The following CA13 variants were observed in gnomAD, a reference collection of about 807,000 sequenced individuals.
CA13 encodes the protein carbonic anhydrase 13.
CA13 carries 21 observed loss-of-function variants against 31.5 expected under a neutral mutation model. That is an observed-to-expected ratio of 0.67 (90% CI 0.47 to 0.96). CA13 has a LOEUF of 0.96. Ranked by LOEUF, CA13 falls within the 40% of genes least tolerant of loss-of-function variation. The probability of loss-of-function intolerance (pLI) is 0.00; values close to 1 mark genes in which losing one functional copy is unlikely to be tolerated. For synonymous variants in CA13, 117 were observed against 111.4 expected (o/e 1.05, Z -0.32); for missense variants, 315 against 318.9 (o/e 0.99, Z 0.09).
In CA13 at chr8:85,283,485, T is replaced by A. The variant is rs1308273199; in HGVS notation, c.*2136T>A. ...TGGTAATTATCTCTCTGCTTGAAAT[T>A]AAATGCACTATAAGTTAATATAACA... On this transcript the variant is annotated 3_prime_UTR_variant, in exon 7 of 7. Coordinates refer to ENST00000321764, the MANE Select transcript of CA13 (RefSeq NM_198584.3). 6.6e-6 allele frequency: 1 copy of A among 152,652 alleles called. No individual in the cohort carries two copies. Among genetic ancestry groups the A allele is most frequent in the Non-Finnish European group, 1.5e-5 (1 of 68,048 alleles). 9.5% of individuals were successfully genotyped at this position (152,652 alleles called of 1,614,324 possible). A position where few individuals can be genotyped will look rare whatever the true frequency, so the allele number is the denominator to read the frequency against.
Position 85,281,929 on chromosome 8 carries a change from T to C in CA13, c.*580T>C, listed in dbSNP as rs1344815453. Reference sequence around the variant, plus strand: ...CATGAAATATGTCTACTTCAACCTGTGTGAAAATATAGTTAACATTGCAAA... The same window carrying C: ...CATGAAATATGTCTACTTCAACCTGCGTGAAAATATAGTTAACATTGCAAA... On this transcript the variant is annotated 3_prime_UTR_variant, in exon 7 of 7. Transcript: ENST00000321764. 1 of 152,182 alleles carries C rather than the reference T, an allele frequency of 6.6e-6. No individual in the cohort carries two copies. The highest frequency in any genetic ancestry group is 1.5e-5 in the Non-Finnish European group (1 of 68,026). 9.4% of individuals were successfully genotyped at this position (152,182 alleles called of 1,614,324 possible). A position where few individuals can be genotyped will look rare whatever the true frequency, so the allele number is the denominator to read the frequency against.
At position 85,269,991 on chromosome 8, in the gene CA13, A is replaced by G. The variant is rs540330211; in HGVS notation, c.669+1364A>G. 3.9e-5 allele frequency among the ~76,000 whole-genome samples: 6 copies of G among 152,196 alleles called. No individual in the cohort carries two copies. In the South Asian group the frequency reaches 1.2e-3, roughly 32 times the overall value. ...TCCTGCTTCGGCCTCCCAAAGTGCT[A>G]GGATTACAGGCATGAGCCACTGCAC... is the stretch of plus-strand genomic sequence containing the variant. On this transcript the variant is annotated intron_variant, in intron 6 of 6. Coordinates refer to ENST00000321764, the MANE Select transcript of CA13 (RefSeq NM_198584.3).
chr8:85,245,470 G>A lies in CA13; in HGVS notation c.-359G>A. 1 of 246,492 alleles carries A rather than the reference G, an allele frequency of 4.1e-6. No homozygotes were observed. The highest frequency in any genetic ancestry group is 7.8e-6 in the Non-Finnish European group (1 of 128,416). The allele number at this position is 246,492 out of a possible 1,614,324, so 15.3% of individuals were successfully genotyped here. On this transcript the variant is annotated 5_prime_UTR_variant, in exon 1 of 7. Transcript: ENST00000321764. Reference sequence around the variant, plus strand: ...GCTCTGGTGACTCATTCACTTCCTGGAAGTCCTCTAGGCAACACTTTCCTC... The same window carrying A: ...GCTCTGGTGACTCATTCACTTCCTGAAAGTCCTCTAGGCAACACTTTCCTC...
intron 6 of CA13, among the ~76,000 whole-genome samples, chr8:85,277,270 G>A (rs1458238171): frequency 6.6e-6 from 1 of 152,144 alleles, no homozygotes; most frequent in Non-Finnish European, 1.5e-5. Flanking sequence ...GCAAAGGTCT[G>A]CAGCTTCACT....
intron 1 of CA13, among the ~76,000 whole-genome samples, chr8:85,247,504 C>T (rs1030641455): frequency 2.0e-5 from 3 of 152,138 alleles, no homozygotes; most frequent in African/African-American, 7.2e-5. Context: ...AAGGTGTGGT[C>T]TTCAGAGAAA....
At chr8:85,258,354 AC>A (rs1296325340) in intron 2 of CA13, among the ~76,000 whole-genome samples, 2 of 152,008 alleles carry the variant, frequency 1.3e-5, no homozygotes, top group East Asian at 3.9e-4. Flanking sequence ...GATCATATTT[AC>A]TGAGGAAATT....
At chr8:85,258,561 T>C (rs1807333067) in intron 2 of CA13, among the ~76,000 whole-genome samples, 1 of 152,048 alleles carries the variant, frequency 6.6e-6, no homozygotes, top group Non-Finnish European at 1.5e-5. Context: ...TTGTGTTCAA[T>C]TTTTCTTCTG....
At chr8:85,275,575 G>A (rs1484107605) in intron 6 of CA13, among the ~76,000 whole-genome samples, 1 of 152,118 alleles carries the variant, frequency 6.6e-6, no homozygotes, top group Non-Finnish European at 1.5e-5. Flanking sequence ...GGATGGAAAT[G>A]CCACGGGTGA....
intron 2 of CA13, among the ~76,000 whole-genome samples, chr8:85,251,408 C>T (rs1313969005): frequency 6.6e-6 from 1 of 152,032 alleles, no homozygotes; most frequent in Non-Finnish European, 1.5e-5. Context: ...ATATTTGAAC[C>T]TTCAGATAAT....
intron 6 of CA13, among the ~76,000 whole-genome samples, chr8:85,274,913 G>A (rs775067594): frequency 5.3e-5 from 8 of 152,178 alleles, no homozygotes; most frequent in Non-Finnish European, 1.0e-4. Flanking sequence ...CAGGGACTCC[G>A]AGGGTGTTGC....
At chr8:85,279,073 C>G (rs968951981) in intron 6 of CA13, among the ~76,000 whole-genome samples, 1 of 152,184 alleles carries the variant, frequency 6.6e-6, no homozygotes, top group Non-Finnish European at 1.5e-5. Flanking sequence ...TGGCATAAAG[C>G]TGTTTACAGA....
chr8:85,277,043 CAAAAT>C (rs1237448822), intron 6 of CA13, among the ~76,000 whole-genome samples: 4 of 152,152 alleles, frequency 2.6e-5, no homozygotes, highest in Non-Finnish European at 2.9e-5. Context: ...AGCGCCCTGT[CAAAAT>C]AGACCACTCG....
intron 6 of CA13, among the ~76,000 whole-genome samples, chr8:85,279,466 G>T (rs904402915): frequency 6.6e-6 from 1 of 152,186 alleles, no homozygotes; most frequent in Non-Finnish European, 1.5e-5. Context: ...GGGGTTTGGC[G>T]AGATACCAGG....
In CA13 at chr8:85,268,429, G is replaced by A. The variant is rs200724907; in HGVS notation, c.514-43G>A. On this transcript the variant is annotated intron_variant, in intron 5 of 6. Coordinates refer to ENST00000321764, the MANE Select transcript of CA13 (RefSeq NM_198584.3). ...GTATGTTTTTTGAGGTCTATGTAGA[G>A]CTATCCCATTGTAATTTGTGGGAAT... 5.0e-4 allele frequency: 802 copies of A among 1,595,376 alleles called. 1 individual carries two copies. Among genetic ancestry groups the A allele is most frequent in the Non-Finnish European group, 6.3e-4 (737 of 1,163,626 alleles).
chr8:85,278,892 CATCTGTA>C (rs1000421999), intron 6 of CA13, among the ~76,000 whole-genome samples: 4 of 152,144 alleles, frequency 2.6e-5, no homozygotes, highest in African/African-American at 9.7e-5. Context: ...TCAAGTTTCT[CATCTGTA>C]AAAGGGGATA....
Position 85,250,869 on chromosome 8 carries a change from C to T in CA13, c.167C>T (p.Ser56Leu), listed in dbSNP as rs1233657055. The change falls in exon 2 of 7, where the codon TCA (serine) becomes TTA (leucine). Residue 56 changes from serine (S) to leucine (L), a missense_variant. Coordinates refer to ENST00000321764, the MANE Select transcript of CA13 (RefSeq NM_198584.3). ...RPLSIKYDPS[S>L]AKIISNSGHS... ...CTTAGTATCAAGTATGACCCAAGCT[C>T]AGCTAAAATCATCAGCAACAGCGGC... 4 of 1,613,978 alleles carry T rather than the reference C, an allele frequency of 2.5e-6. No individual in the cohort carries two copies. The highest frequency in any genetic ancestry group is 2.2e-5 in the East Asian group (1 of 44,880).
At chr8:85,279,466 G>A (rs904402915) in intron 6 of CA13, among the ~76,000 whole-genome samples, 1 of 152,186 alleles carries the variant, frequency 6.6e-6, no homozygotes, top group South Asian at 2.1e-4. Flanking sequence ...GGGGTTTGGC[G>A]AGATACCAGG....
chr8:85,267,613 T>A (rs1807475281), intron 4 of CA13, among the ~76,000 whole-genome samples: 4 of 152,190 alleles, frequency 2.6e-5, no homozygotes, highest in African/African-American at 9.7e-5. Context: ...CAAGTTAACC[T>A]ACATCTTAAA....
intron 6 of CA13, 90 bp downstream of exon 6, chr8:85,268,717 T>C (rs963828207): frequency 1.8e-6 from 2 of 1,108,844 alleles, no homozygotes; most frequent in African/African-American, 1.6e-5. Context: ...TAATTTCTAC[T>C]GTGTTTTGAA....
Sources: allele counts gnomAD v4.1 joint callset (sites outside exome capture counted in the v4.1 genomes callset), GRCh38; gene constraint gnomAD v4.1.1; transcripts MANE v1.5; gene names NCBI Gene and HGNC (gene_info 2026-07-23, HGNC 2026-07-21).